GNA14: variants seen among roughly 807,000 people sequenced by gnomAD.
The protein encoded by GNA14 is guanine nucleotide-binding protein subunit alpha-14.
GNA14 carries 50 observed loss-of-function variants against 42.0 expected under a neutral mutation model. The observed-to-expected ratio is 1.19, with a 90% confidence interval of 0.95 to 1.51. GNA14 has a LOEUF of 1.51. Among genes scored for constraint, GNA14 ranks in the 40% most tolerant of loss-of-function variants. The pLI is 0.00. For synonymous variants in GNA14, 173 were observed against 163.1 expected (o/e 1.06, Z -0.46); for missense variants, 473 against 446.2 (o/e 1.06, Z -0.54).
At chr9:77,425,485 C>T (rs980614061) in intron 6 of GNA14, 77 bp downstream of exon 6, 31 of 1,085,426 alleles carry the variant, frequency 2.9e-5, no homozygotes, top group African/African-American at 4.8e-5. Flanking sequence ...CCCTTTGAGC[C>T]GTGATAACTC....
intron 2 of GNA14, among the ~76,000 whole-genome samples, chr9:77,496,300 C>G (rs562920012): frequency 6.6e-6 from 1 of 152,304 alleles, no homozygotes; most frequent in Admixed American, 6.5e-5. Flanking sequence ...TTGACTGATT[C>G]ATCTCAAGCC....
At chr9:77,607,329 C>G (rs1823657498) in intron 1 of GNA14, among the ~76,000 whole-genome samples, 1 of 152,088 alleles carries the variant, frequency 6.6e-6, no homozygotes, top group South Asian at 2.1e-4. Context: ...TAAGTGATTG[C>G]TGATGAATCC....
intron 1 of GNA14, among the ~76,000 whole-genome samples, chr9:77,592,526 G>A (rs551371691): frequency 6.6e-6 from 1 of 152,218 alleles, no homozygotes; most frequent in South Asian, 2.1e-4. Context: ...ATTTGCCGGG[G>A]TAGTGGCCAC....
At chr9:77,457,403 C>T (rs1836020925) in intron 2 of GNA14, among the ~76,000 whole-genome samples, 1 of 152,178 alleles carries the variant, frequency 6.6e-6, no homozygotes, top group African/African-American at 2.4e-5. Context: ...GACAAGAGAA[C>T]TTAAGTTGCT....
intron 1 of GNA14, among the ~76,000 whole-genome samples, chr9:77,629,914 T>G (rs12344547): frequency 0.043 from 6,614 of 152,236 alleles, 508 homozygotes; most frequent in African/African-American, 0.15. Flanking sequence ...TTAAAATAAG[T>G]AAACATGAGT....
chr9:77,529,996 C>A (rs1396931488), intron 1 of GNA14, among the ~76,000 whole-genome samples: 1 of 152,202 alleles, frequency 6.6e-6, no homozygotes, highest in Admixed American at 6.5e-5. Flanking sequence ...CTAATATTTT[C>A]TTTGATAAAG....
At chr9:77,489,007 A>C (rs1163954115) in intron 2 of GNA14, among the ~76,000 whole-genome samples, 1 of 152,170 alleles carries the variant, frequency 6.6e-6, no homozygotes, top group African/African-American at 2.4e-5. Flanking sequence ...GCAGTTTTAA[A>C]GACACTCAGT....
chr9:77,470,726 T>C (rs1367327022), intron 2 of GNA14, among the ~76,000 whole-genome samples: 1 of 152,156 alleles, frequency 6.6e-6, no homozygotes, highest in African/African-American at 2.4e-5. Context: ...AGAGGTTGAA[T>C]TGACTCATAA....
intron 3 of GNA14, among the ~76,000 whole-genome samples, chr9:77,433,889 TG>T (rs1180489154): frequency 2.6e-5 from 4 of 152,178 alleles, no homozygotes; most frequent in Non-Finnish European, 5.9e-5. Flanking sequence ...GATCAGCAGC[TG>T]ATGGGTCCAC....
At chr9:77,569,436 T>G (rs970687049) in intron 1 of GNA14, among the ~76,000 whole-genome samples, 1 of 152,166 alleles carries the variant, frequency 6.6e-6, no homozygotes, top group African/African-American at 2.4e-5. Context: ...AGAACTGTCC[T>G]GCCCAACAAG....
intron 2 of GNA14, among the ~76,000 whole-genome samples, chr9:77,479,686 G>A (rs941369848): frequency 2.0e-5 from 3 of 152,146 alleles, no homozygotes; most frequent in African/African-American, 7.2e-5. Context: ...TCATGAACAT[G>A]GAATGTTCTT....
chr9:77,619,097 T>C (rs1442510992), intron 1 of GNA14, among the ~76,000 whole-genome samples: 1 of 152,114 alleles, frequency 6.6e-6, no homozygotes, highest in African/African-American at 2.4e-5. Flanking sequence ...TTTGGAGAGA[T>C]TACATGACTT....
In GNA14 at chr9:77,425,587, T is replaced by A; in HGVS notation, c.852A>T (p.Leu284=). ...CTGTGTATTCTGGGAAATAGCTAAT[T>A]AGATGAGAGTACATGATTTTCTCTT... The part of the protein sequence containing the change: ...LLEEKIMYSH[L]ISYFPEYTGP... Residue 284 remains leucine (L), a synonymous_variant, in exon 6 of 7, where the codon CTA becomes CTT. Transcript: ENST00000341700. 6.2e-7 allele frequency: 1 copy of A among 1,607,636 alleles called. No homozygotes were observed. Among genetic ancestry groups the A allele is most frequent in the Non-Finnish European group, 8.5e-7 (1 of 1,175,830 alleles).
chr9:77,581,557 C>A (rs35870372), intron 1 of GNA14, among the ~76,000 whole-genome samples: 36,432 of 152,154 alleles, frequency 0.24, 5,602 homozygotes, highest in Admixed American at 0.41. Flanking sequence ...GACAACTACA[C>A]AGTGGCCGGA....
chr9:77,645,481 CTA>C (rs1181120313), intron 1 of GNA14, among the ~76,000 whole-genome samples: 2 of 152,106 alleles, frequency 1.3e-5, no homozygotes. Context: ...GGTTTAGAAA[CTA>C]TTTTTCACAG....
intron 2 of GNA14, among the ~76,000 whole-genome samples, chr9:77,491,652 C>G (rs1326322377): frequency 6.6e-6 from 1 of 152,108 alleles, no homozygotes; most frequent in Non-Finnish European, 1.5e-5. Context: ...TTGGAACTCC[C>G]AAGCATTTAA....
chr9:77,480,578 G>T (rs990622061), intron 2 of GNA14, among the ~76,000 whole-genome samples: 3 of 152,176 alleles, frequency 2.0e-5, no homozygotes, highest in Non-Finnish European at 4.4e-5. Context: ...GAGTTAGGGA[G>T]GGTTCCCTCT....
chr9:77,476,129 CA>C (rs1262363952), intron 2 of GNA14, among the ~76,000 whole-genome samples: 1 of 152,214 alleles, frequency 6.6e-6, no homozygotes, highest in Admixed American at 6.5e-5. Context: ...TGGGTTTAAA[CA>C]GGGGAGGGAT....
intron 2 of GNA14, among the ~76,000 whole-genome samples, chr9:77,496,917 G>A (rs554345887): frequency 6.6e-6 from 1 of 152,114 alleles, no homozygotes; most frequent in African/African-American, 2.4e-5. Context: ...ATCCTGCTTT[G>A]TCAGATAACA....
Sources: gnomAD v4.1 joint callset for allele counts (sites outside exome capture counted in the v4.1 genomes callset) on GRCh38, gnomAD v4.1.1 for gene constraint, MANE v1.5 for transcripts, NCBI Gene and HGNC (gene_info 2026-07-23, HGNC 2026-07-21) for gene names.